HDDC2: variants seen among roughly 807,000 people sequenced by gnomAD.
HDDC2 encodes the protein 5'-deoxynucleotidase HDDC2.
HDDC2 carries 25 observed loss-of-function variants against 25.5 expected under a neutral mutation model. That is an observed-to-expected ratio of 0.98 (90% confidence interval 0.72 to 1.37). HDDC2 has a LOEUF of 1.37. HDDC2 is among the 40% of genes most tolerant of loss of function. The pLI is 0.00. For synonymous variants in HDDC2, 106 were observed against 89.7 expected, an observed-to-expected ratio of 1.18 and a Z score of -1.03; for missense variants, 264 against 253.1, an observed-to-expected ratio of 1.04 and a Z score of -0.29.
intron 4 of HDDC2, among the ~76,000 whole-genome samples, chr6:125,282,286 C>T: frequency 6.7e-6 from 1 of 149,790 alleles, no homozygotes. Context: ...GCGGAGGTTG[C>T]AGTGAGCCGA....
chr6:125,284,149 T>C (rs867992968), intron 4 of HDDC2, among the ~76,000 whole-genome samples: 2 of 152,288 alleles, frequency 1.3e-5, no homozygotes, highest in South Asian at 2.1e-4. Context: ...TTACACCTTA[T>C]ACAAAAATTA....
At chr6:125,291,727 G>C (rs55711168) in intron 4 of HDDC2, among the ~76,000 whole-genome samples, 1 of 152,184 alleles carries the variant, frequency 6.6e-6, no homozygotes, top group Non-Finnish European at 1.5e-5. Flanking sequence ...ACATGGGTGT[G>C]TAAATAGGAG....
At chr6:125,288,432 G>A (rs1484087874) in intron 4 of HDDC2, among the ~76,000 whole-genome samples, 1 of 152,174 alleles carries the variant, frequency 6.6e-6, no homozygotes, top group Non-Finnish European at 1.5e-5. Flanking sequence ...TGGTAGGACA[G>A]GAGAGGACTC....
At chr6:125,276,496 G>T in intron 5 of HDDC2, 1 of 464,444 alleles carries the variant, frequency 2.2e-6, no homozygotes, top group East Asian at 3.6e-5. Flanking sequence ...TTAGGCAGAG[G>T]TAGGGGAAAC....
At position 125,275,526 on chromosome 6, in the gene HDDC2, G is replaced by C. The variant is rs1798354174; in HGVS notation, c.*620C>G. On this transcript the variant is annotated 3_prime_UTR_variant, in exon 6 of 6. Coordinates refer to ENST00000398153, the MANE Select transcript of HDDC2 (RefSeq NM_016063.3). ...GGGAAAAATATACAAAGGAATACAAGTTGCATTTTTATATGCCCCGGTTTA... is the reference window on the plus strand; with the variant it reads ...GGGAAAAATATACAAAGGAATACAACTTGCATTTTTATATGCCCCGGTTTA... 6.6e-6 allele frequency: 1 copy of C among 152,180 alleles called. No individual in the cohort carries two copies. The highest frequency in any genetic ancestry group is 1.5e-5 in the Non-Finnish European group (1 of 68,052). 9.4% of individuals were successfully genotyped at this position (152,180 alleles called of 1,614,324 possible).
intron 4 of HDDC2, among the ~76,000 whole-genome samples, chr6:125,291,533 C>T (rs1798631575): frequency 6.6e-6 from 1 of 152,148 alleles, no homozygotes; most frequent in South Asian, 2.1e-4. Context: ...GATGAGGACT[C>T]TAAATAGCCT....
intron 4 of HDDC2, among the ~76,000 whole-genome samples, chr6:125,291,945 G>C (rs1405946333): frequency 1.3e-5 from 2 of 152,080 alleles, no homozygotes; most frequent in Admixed American, 1.3e-4. Flanking sequence ...CTAAGACAAG[G>C]GACAACCTGA....
At chr6:125,281,642 G>A (rs1159445301) in intron 4 of HDDC2, among the ~76,000 whole-genome samples, 1 of 152,120 alleles carries the variant, frequency 6.6e-6, no homozygotes, top group South Asian at 2.1e-4. Context: ...AATAAAGTGT[G>A]AAGACAAGAT....
At chr6:125,301,792 C>T (rs1446447847) in intron 1 of HDDC2, 57 bp downstream of exon 1, 3 of 1,325,142 alleles carry the variant, frequency 2.3e-6, no homozygotes, top group Non-Finnish European at 3.1e-6. Flanking sequence ...CCGGAAGCTC[C>T]GCCGCCCCAC....
At chr6:125,285,740 A>T (rs1401724973) in intron 4 of HDDC2, among the ~76,000 whole-genome samples, 3 of 152,210 alleles carry the variant, frequency 2.0e-5, no homozygotes, top group Non-Finnish European at 4.4e-5. Context: ...ACATTCTAAT[A>T]AAATTACCAG....
intron 3 of HDDC2, among the ~76,000 whole-genome samples, chr6:125,297,064 T>C (rs1798714537): frequency 6.6e-6 from 1 of 152,230 alleles, no homozygotes; most frequent in Non-Finnish European, 1.5e-5. Context: ...ACTGGTACTT[T>C]AGAATATGAT....
At chr6:125,276,293 G>A (rs1191257920) in intron 5 of HDDC2, 50 bp from the exon 6 acceptor site, 2 of 1,245,666 alleles carry the variant, frequency 1.6e-6, no homozygotes, top group Non-Finnish European at 2.3e-6. Context: ...TGACAAGAGA[G>A]TATATTCATT....
intron 4 of HDDC2, among the ~76,000 whole-genome samples, chr6:125,283,602 C>T (rs147515790): frequency 0.019 from 2,915 of 152,208 alleles, 86 homozygotes; most frequent in African/African-American, 0.067. Flanking sequence ...AGGAATATAA[C>T]TTACAAGGAA....
intron 3 of HDDC2, among the ~76,000 whole-genome samples, chr6:125,297,077 C>G (rs546160838): frequency 5.9e-5 from 9 of 152,276 alleles, no homozygotes; most frequent in Middle Eastern, 3.4e-3. Context: ...AATATGATTT[C>G]TCGTCCACAA....
chr6:125,280,418 A>C (rs1045421350), intron 4 of HDDC2, among the ~76,000 whole-genome samples: 4 of 152,198 alleles, frequency 2.6e-5, no homozygotes, highest in African/African-American at 9.6e-5. Flanking sequence ...AGGGGGCTGA[A>C]GCCAGGGAGC....
chr6:125,281,875 A>G (rs960255555), intron 4 of HDDC2, among the ~76,000 whole-genome samples: 1 of 152,204 alleles, frequency 6.6e-6, no homozygotes, highest in Non-Finnish European at 1.5e-5. Flanking sequence ...CCTCAAGAAG[A>G]GCAACCCCAA....
At chr6:125,277,966 T>G (rs1284365510) in intron 4 of HDDC2, 1 of 152,194 alleles carries the variant, frequency 6.6e-6, no homozygotes, top group Non-Finnish European at 1.5e-5. Context: ...TATAGAATGA[T>G]GCATGCCACC....
intron 4 of HDDC2, among the ~76,000 whole-genome samples, chr6:125,282,623 C>A (rs6912254): frequency 0.2 from 29,870 of 152,122 alleles, 3,337 homozygotes; most frequent in African/African-American, 0.31. Context: ...GGCAAAATGA[C>A]CAGCTAGCAT....
At chr6:125,279,150 C>G (rs1340180595) in intron 4 of HDDC2, 1 of 152,206 alleles carries the variant, frequency 6.6e-6, no homozygotes, top group African/African-American at 2.4e-5. Flanking sequence ...AAAGGGCCAA[C>G]AGGTATTCTC....
Sources: allele counts gnomAD v4.1 joint callset (sites outside exome capture counted in the v4.1 genomes callset), GRCh38; gene constraint gnomAD v4.1.1; transcripts MANE v1.5; gene names NCBI Gene and HGNC (gene_info 2026-07-23, HGNC 2026-07-21).